The following TNPO3 variants were observed in gnomAD, a reference collection of about 807,000 sequenced individuals.
TNPO3 encodes transportin 3.
Under a neutral mutation model 122.8 loss-of-function variants are expected in TNPO3, and 65 were observed. That is an observed-to-expected ratio of 0.53 (90% CI 0.43 to 0.65). The LOEUF (loss-of-function observed/expected upper bound fraction) is 0.65, where lower values mean the gene tolerates loss of function less well. Ranked by LOEUF, TNPO3 falls within the 30% of genes least tolerant of loss-of-function variation. The pLI is 0.00. For missense variants in TNPO3, 850 were observed against 1,136.7 expected (o/e 0.75, Z 3.63); for synonymous variants, 372 against 411.2 (o/e 0.90, Z 1.15).
rs747683065 is a variant in TNPO3, at chr7:128,990,049, C to T, written c.1410G>A (p.Pro470=). The T allele has an allele frequency of 1.3e-5, 21 of 1,614,042 alleles. No individual in the cohort carries two copies. Among genetic ancestry groups the T allele is most frequent in the East Asian group, 8.9e-5 (4 of 44,898 alleles). Residue 470 remains proline (P), a synonymous_variant, in exon 11 of 23, where the codon CCG becomes CCA. Transcript: ENST00000265388. ...VEVLEGVVRL[P]ETVHTAVRYT... is the part of the protein sequence containing the mutation. ...ATCGCACAGCCGTATGTACGGTCTCCGGGAGGCGGACAACTCCTTCTAGGA... is the reference window on the plus strand; with the variant it reads ...ATCGCACAGCCGTATGTACGGTCTCTGGGAGGCGGACAACTCCTTCTAGGA...
intron 21 of TNPO3, among the ~76,000 whole-genome samples, chr7:128,965,223 C>G (rs1797821926): frequency 6.6e-6 from 1 of 152,194 alleles, no homozygotes; most frequent in African/African-American, 2.4e-5. Flanking sequence ...ATAAAAGGAA[C>G]TCCTGCAACT....
intron 18 of TNPO3, among the ~76,000 whole-genome samples, chr7:128,973,675 G>A (rs1237942217): frequency 8.1e-5 from 10 of 123,294 alleles, no homozygotes; most frequent in African/African-American, 3.1e-4. Flanking sequence ...GGCAGAGCTT[G>A]CAGTGAGCCA....
chr7:128,997,686 T>C (rs767552182), intron 7 of TNPO3, 151 bp from the exon 8 acceptor site: 10 of 685,206 alleles, frequency 1.5e-5, no homozygotes, highest in Admixed American at 3.1e-5. Context: ...CTAGCAGATT[T>C]ACTATTATCT....
At chr7:129,050,065 C>CT (rs922893612) in intron 1 of TNPO3, among the ~76,000 whole-genome samples, 10 of 151,268 alleles carry the variant, frequency 6.6e-5, no homozygotes, top group South Asian at 2.1e-4. Flanking sequence ...CTTTTCTTTT[C>CT]TTTTTTTTCT....
At chr7:129,041,473 G>A in intron 1 of TNPO3, 1 of 887,992 alleles carries the variant, frequency 1.1e-6, no homozygotes, top group East Asian at 1.2e-4. Flanking sequence ...CTTCCCCTCT[G>A]CTAAACAGCA....
intron 1 of TNPO3, among the ~76,000 whole-genome samples, chr7:129,024,444 A>G (rs1770553232): frequency 6.6e-6 from 1 of 152,198 alleles, no homozygotes; most frequent in Admixed American, 6.5e-5. Flanking sequence ...AAGTTATGAG[A>G]TACAATAAAA....
intron 11 of TNPO3, among the ~76,000 whole-genome samples, chr7:128,987,290 G>A (rs559167417): frequency 3.9e-5 from 6 of 152,304 alleles, no homozygotes; most frequent in South Asian, 2.1e-4. Flanking sequence ...CAATTATACC[G>A]AGGGATGAAT....
intron 1 of TNPO3, chr7:129,041,452 T>C: frequency 1.5e-6 from 1 of 678,690 alleles, no homozygotes; most frequent in Non-Finnish European, 1.8e-6. Flanking sequence ...TACAGTACAT[T>C]GCTCATTGTT....
chr7:128,984,032 A>C, intron 13 of TNPO3, 136 bp downstream of exon 13: 2 of 517,812 alleles, frequency 3.9e-6, no homozygotes, highest in South Asian at 6.5e-5. Context: ...TGATTACATT[A>C]ATTTTAATAA....
chr7:129,046,391 C>G (rs1808062414), intron 1 of TNPO3, among the ~76,000 whole-genome samples: 1 of 152,098 alleles, frequency 6.6e-6, no homozygotes, highest in South Asian at 2.1e-4. Flanking sequence ...TATTCCTAGA[C>G]TGAACTCATC....
chr7:129,002,774 C>T (rs749910651), intron 5 of TNPO3, among the ~76,000 whole-genome samples: 16 of 151,720 alleles, frequency 1.1e-4, no homozygotes, highest in African/African-American at 1.9e-4. Flanking sequence ...AAAAATTGGC[C>T]GGGCGCGGTG....
intron 1 of TNPO3, among the ~76,000 whole-genome samples, chr7:129,036,568 A>AT (rs1180655421): frequency 6.6e-6 from 1 of 152,336 alleles, no homozygotes. Flanking sequence ...TAATACCATC[A>AT]TATCAATGTC....
intron 4 of TNPO3, among the ~76,000 whole-genome samples, chr7:129,008,471 C>G (rs572066046): frequency 2.0e-5 from 3 of 151,920 alleles, no homozygotes; most frequent in South Asian, 4.2e-4. Flanking sequence ...ATATTTTTTA[C>G]TCAAGACTTT....
chr7:128,962,181 A>G (rs1797520185), intron 21 of TNPO3, among the ~76,000 whole-genome samples: 1 of 151,736 alleles, frequency 6.6e-6, no homozygotes, highest in African/African-American at 2.4e-5. Flanking sequence ...CTGGCTAACA[A>G]GGTGAAACCC....
At chr7:129,055,577 C>G (rs1225381762), upstream of TNPO3, 1 of 161,636 alleles carries the variant, frequency 6.2e-6, no homozygotes, top group Non-Finnish European at 1.4e-5. Flanking sequence ...GAGATAAATC[C>G]AAAATGCCTA....
chr7:129,045,509 A>C (rs1232119931), intron 1 of TNPO3, among the ~76,000 whole-genome samples: 2 of 151,010 alleles, frequency 1.3e-5, no homozygotes, highest in Non-Finnish European at 2.9e-5. Context: ...AAAAAAAAAA[A>C]CGTTAAAATG....
At chr7:128,990,792 C>T (rs1375742674) in intron 10 of TNPO3, among the ~76,000 whole-genome samples, 1 of 152,176 alleles carries the variant, frequency 6.6e-6, no homozygotes, top group Admixed American at 6.5e-5. Context: ...GGCTAACGGC[C>T]TTTTGAGTAG....
intron 21 of TNPO3, among the ~76,000 whole-genome samples, chr7:128,963,783 C>A (rs1365339030): frequency 9.2e-5 from 14 of 152,184 alleles, no homozygotes; most frequent in Non-Finnish European, 1.5e-5. Context: ...GAAATCAATT[C>A]TGAGAAAAGA....
intron 20 of TNPO3, among the ~76,000 whole-genome samples, chr7:128,969,874 T>C (rs372217442): frequency 2.4e-4 from 36 of 152,236 alleles, no homozygotes; most frequent in African/African-American, 7.5e-4. Context: ...AAATTTCACA[T>C]TGGACAGCCA....
Sources: allele counts gnomAD v4.1 joint callset (sites outside exome capture counted in the v4.1 genomes callset), GRCh38; gene constraint gnomAD v4.1.1; transcripts MANE v1.5; gene names NCBI Gene and HGNC (gene_info 2026-07-23, HGNC 2026-07-21).